Variants in SENP5 observed in about 807,000 individuals in gnomAD.
The protein encoded by SENP5 is sentrin-specific protease 5.
In SENP5, 21 loss-of-function variants were observed where a neutral mutation model predicts 74.2. The ratio of observed to expected loss-of-function variants is 0.28; its 90% CI spans 0.20 to 0.41. The LOEUF (loss-of-function observed/expected upper bound fraction) is 0.41. SENP5 is among the 10% of genes least tolerant of loss of function. The pLI is 1.00. For missense variants in SENP5, 717 were observed against 889.1 expected, an observed-to-expected ratio of 0.81 and a Z score of 2.46; for synonymous variants, 311 against 312.7, an observed-to-expected ratio of 0.99 and a Z score of 0.06.
At chr3:196,918,180 G>A (rs900640005) in intron 6 of SENP5, among the ~76,000 whole-genome samples, 26 of 151,560 alleles carry the variant, frequency 1.7e-4, no homozygotes, top group African/African-American at 4.6e-4. Context: ...GGTGGCGGGC[G>A]CCTGTAGTCC....
chr3:196,876,535 GAAAAGA>G (rs1328615103), intron 1 of SENP5, among the ~76,000 whole-genome samples: 2 of 135,382 alleles, frequency 1.5e-5, no homozygotes, highest in Non-Finnish European at 3.2e-5. Flanking sequence ...AAAAAAAAAA[GAAAAGA>G]AAAAAGTATT....
At chr3:196,875,146 C>G (rs1334306274) in intron 1 of SENP5, among the ~76,000 whole-genome samples, 1 of 152,172 alleles carries the variant, frequency 6.6e-6, no homozygotes, top group Admixed American at 6.5e-5. Flanking sequence ...CCTAATCGAT[C>G]TCCGTCTGTG....
At chr3:196,919,766 C>T (rs575803865) in intron 6 of SENP5, among the ~76,000 whole-genome samples, 1 of 150,910 alleles carries the variant, frequency 6.6e-6, no homozygotes, top group Non-Finnish European at 1.5e-5. Context: ...CCACTGCAGC[C>T]TGGGCAACAA....
intron 6 of SENP5, among the ~76,000 whole-genome samples, chr3:196,909,038 G>A (rs1354977659): frequency 6.6e-6 from 1 of 152,040 alleles, no homozygotes; most frequent in East Asian, 1.9e-4. Flanking sequence ...AGAAAAGAGA[G>A]AAGAATCAAA....
At chr3:196,902,659 T>C (rs1467259524) in intron 5 of SENP5, among the ~76,000 whole-genome samples, 1 of 152,228 alleles carries the variant, frequency 6.6e-6, no homozygotes, top group Non-Finnish European at 1.5e-5. Context: ...GGAACAGTTT[T>C]ATCACCTCAA....
intron 6 of SENP5, among the ~76,000 whole-genome samples, chr3:196,920,904 A>G (rs114422217): frequency 0.025 from 3,770 of 152,282 alleles, 154 homozygotes; most frequent in African/African-American, 0.086. Flanking sequence ...AAAGCAAATC[A>G]CATGACAGGA....
At chr3:196,889,987 A>G (rs1252073514) in intron 2 of SENP5, among the ~76,000 whole-genome samples, 6 of 152,230 alleles carry the variant, frequency 3.9e-5, no homozygotes, top group South Asian at 2.1e-4. Flanking sequence ...GACAAGAGAC[A>G]GGATACTCAC....
intron 3 of SENP5, 50 bp from the exon 4 acceptor site, chr3:196,899,874 G>A: frequency 6.3e-7 from 1 of 1,598,076 alleles, no homozygotes; most frequent in South Asian, 1.1e-5. Context: ...AGTAAATTGA[G>A]AAGTACTCAT....
intron 5 of SENP5, among the ~76,000 whole-genome samples, chr3:196,902,292 T>A (rs1365970766): frequency 6.6e-6 from 1 of 152,144 alleles, no homozygotes; most frequent in Non-Finnish European, 1.5e-5. Flanking sequence ...ACCCAGCTAG[T>A]TTATTTTTAT....
chr3:196,903,902 G>C (rs755087806), intron 6 of SENP5, among the ~76,000 whole-genome samples: 2 of 152,154 alleles, frequency 1.3e-5, no homozygotes, highest in African/African-American at 2.4e-5. Context: ...ATTTTTTGCT[G>C]GTGCTGGGCA....
At chr3:196,898,842 A>G (rs1042844409) in intron 2 of SENP5, among the ~76,000 whole-genome samples, 34 of 152,290 alleles carry the variant, frequency 2.2e-4, no homozygotes, top group Non-Finnish European at 3.5e-4. Context: ...AATTCATTCG[A>G]TGACGATTCC....
At position 196,934,460 on chromosome 3, in the gene SENP5, C is replaced by T. The variant is rs1314729310; in HGVS notation, c.*3537C>T. The stretch of plus-strand genomic sequence containing the variant: ...AAGAAACTGAATTAATCAGCAGTTA[C>T]AAAGCACATACTTTGTTACGTGCTA... On this transcript the variant is annotated 3_prime_UTR_variant, in exon 10 of 10. Coordinates refer to ENST00000323460, the MANE Select transcript of SENP5 (RefSeq NM_152699.5). The T allele has an allele frequency of 6.6e-6, 1 of 152,228 alleles. No individual in the cohort carries two copies. Among genetic ancestry groups the T allele is most frequent in the African/African-American group, 2.4e-5 (1 of 41,456 alleles). 9.4% of individuals were successfully genotyped at this position (152,228 alleles called of 1,614,324 possible).
chr3:196,892,678 C>T (rs867558496), intron 2 of SENP5, among the ~76,000 whole-genome samples: 6 of 152,154 alleles, frequency 3.9e-5, no homozygotes, highest in East Asian at 1.9e-4. Context: ...TCCTGTCTAA[C>T]GGAAGCTTTA....
chr3:196,917,084 A>G (rs142713212), intron 6 of SENP5, among the ~76,000 whole-genome samples: 16 of 152,208 alleles, frequency 1.1e-4, no homozygotes, highest in Admixed American at 4.6e-4. Flanking sequence ...CAGTGAGCCA[A>G]GATCATGCCA....
chr3:196,912,125 G>A (rs76541475), intron 6 of SENP5, among the ~76,000 whole-genome samples: 3,077 of 152,234 alleles, frequency 0.02, 80 homozygotes, highest in African/African-American at 0.064. Flanking sequence ...AGACATATGC[G>A]TGTGTATATT....
chr3:196,931,544 C>CA lies in SENP5; in HGVS notation c.*622dup, dbSNP rs1220880757. 1 of 232,262 alleles carries CA rather than the reference C, an allele frequency of 4.3e-6. No individual in the cohort carries two copies. The highest frequency in any genetic ancestry group is 2.4e-5 in the African/African-American group (1 of 42,164). The allele number at this position is 232,262 out of a possible 1,614,324, so 14.4% of individuals were successfully genotyped here. ...CTGTTTCTGGAGGCACACTTGTAAGCACAGTGGCTGCTTTGGGAGGAGTAA... is the reference window on the plus strand; with the variant it reads ...CTGTTTCTGGAGGCACACTTGTAAGCAACAGTGGCTGCTTTGGGAGGAGTAA... On this transcript the variant is annotated 3_prime_UTR_variant, in exon 10 of 10. Coordinates refer to ENST00000323460, the MANE Select transcript of SENP5 (RefSeq NM_152699.5).
chr3:196,934,383 CAG>C lies in SENP5; in HGVS notation c.*3461_*3462del, dbSNP rs979875014. 1.3e-5 allele frequency: 2 copies of C among 152,226 alleles called. No homozygotes were observed. Among genetic ancestry groups the C allele is most frequent in the Non-Finnish European group, 2.9e-5 (2 of 68,052 alleles). 9.4% of individuals were successfully genotyped at this position (152,226 alleles called of 1,614,324 possible). ...GGGCAGGTCAGACTCTTCAGCAAGA[CAG>C]TGTATTAATAGTGTGAATTAGATAC... On this transcript the variant is annotated 3_prime_UTR_variant, in exon 10 of 10. Coordinates refer to ENST00000323460, the MANE Select transcript of SENP5 (RefSeq NM_152699.5).
intron 2 of SENP5, among the ~76,000 whole-genome samples, chr3:196,899,187 C>T (rs555639676): frequency 2.6e-4 from 40 of 152,070 alleles, no homozygotes; most frequent in Middle Eastern, 6.8e-3. Flanking sequence ...ATGATATTGT[C>T]CCTTGCTGAT....
intron 1 of SENP5, among the ~76,000 whole-genome samples, chr3:196,868,882 G>GTTTTTTGTTTGTTTGT (rs1713070731): frequency 6.7e-6 from 1 of 148,924 alleles, no homozygotes; most frequent in African/African-American, 2.5e-5. Context: ...TCCTACTTAT[G>GTTTTTTGTTTGTTTGT]TTTTTTTTTT....
Sources: allele counts gnomAD v4.1 joint callset (sites outside exome capture counted in the v4.1 genomes callset), GRCh38; gene constraint gnomAD v4.1.1; transcripts MANE v1.5; gene names NCBI Gene and HGNC (gene_info 2026-07-23, HGNC 2026-07-21).